The following ADAMTS17 variants were observed in gnomAD, a reference collection of about 807,000 sequenced individuals.
ADAMTS17 encodes the protein A disintegrin and metalloproteinase with thrombospondin motifs 17.
A neutral mutation model predicts 141.5 loss-of-function variants in ADAMTS17; 113 were observed. That is an observed-to-expected ratio of 0.80 (90% CI 0.69 to 0.93). The LOEUF (loss-of-function observed/expected upper bound fraction) is 0.93. Ranked by LOEUF, ADAMTS17 falls within the 40% of genes least tolerant of loss-of-function variation. The probability of loss-of-function intolerance (pLI) is 0.00; values close to 1 mark genes in which losing one functional copy is unlikely to be tolerated. For missense variants in ADAMTS17, 1,659 were observed against 1,517.9 expected, an observed-to-expected ratio of 1.09 and a Z score of -1.54; for synonymous variants, 768 against 630.6, an observed-to-expected ratio of 1.22 and a Z score of -3.27.
intron 8 of ADAMTS17, among the ~76,000 whole-genome samples, chr15:100,178,316 G>T (rs762981294): frequency 6.6e-6 from 1 of 152,102 alleles, no homozygotes; most frequent in Non-Finnish European, 1.5e-5. Context: ...ATATCACTCT[G>T]TATAGTTCTC....
chr15:100,089,500 A>T (rs2140985333), intron 15 of ADAMTS17, among the ~76,000 whole-genome samples: 1 of 151,398 alleles, frequency 6.6e-6, no homozygotes, highest in East Asian at 2.0e-4. Flanking sequence ...CCAAAGGATT[A>T]TAAATCATGC....
At chr15:100,165,276 G>T (rs1387290664) in intron 8 of ADAMTS17, among the ~76,000 whole-genome samples, 1 of 152,218 alleles carries the variant, frequency 6.6e-6, no homozygotes, top group Non-Finnish European at 1.5e-5. Context: ...TCAGAGCACA[G>T]CTGGACACAG....
intron 15 of ADAMTS17, among the ~76,000 whole-genome samples, chr15:100,064,690 G>C (rs966109680): frequency 2.0e-5 from 3 of 152,130 alleles, no homozygotes; most frequent in African/African-American, 7.2e-5. Flanking sequence ...CAGAGTAGGG[G>C]GCCAGGACGG....
Position 100,010,341 on chromosome 15 carries a change from G to A in ADAMTS17, c.2592-12752C>T, listed in dbSNP as rs896386085. On this transcript the variant is annotated intron_variant, in intron 18 of 21. Coordinates refer to ENST00000268070, the MANE Select transcript of ADAMTS17 (RefSeq NM_139057.4). ...GACTGAATGATAAGTAAATATATTG[G>A]GCATGGGGAAATCAGGAGGTGCCTG... 5.7e-4 allele frequency among the ~76,000 whole-genome samples: 87 copies of A among 152,204 alleles called. 1 individual carries two copies. The highest frequency in any genetic ancestry group is 2.0e-3 in the African/African-American group (83 of 41,454).
chr15:100,144,012 T>C (rs962048744), intron 10 of ADAMTS17, among the ~76,000 whole-genome samples: 3 of 152,256 alleles, frequency 2.0e-5, no homozygotes, highest in African/African-American at 7.2e-5. Flanking sequence ...AGGCACCTGA[T>C]GGAGCCTTCT....
chr15:100,020,999 A>G (rs912988966), intron 18 of ADAMTS17, among the ~76,000 whole-genome samples: 1 of 151,270 alleles, frequency 6.6e-6, no homozygotes, highest in Non-Finnish European at 1.5e-5. Flanking sequence ...TTCCTCCCCC[A>G]TTTTCTAAGC....
chr15:100,063,705 T>C, intron 15 of ADAMTS17: 3 of 1,289,910 alleles, frequency 2.3e-6, no homozygotes, highest in Non-Finnish European at 3.0e-6. Flanking sequence ...AGGTTTATCC[T>C]CCACCACACG....
At chr15:100,167,648 CA>C (rs1310005865) in intron 8 of ADAMTS17, among the ~76,000 whole-genome samples, 1 of 152,132 alleles carries the variant, frequency 6.6e-6, no homozygotes, top group East Asian at 1.9e-4. Context: ...GGATGGCATG[CA>C]GTGTAATTAA....
intron 15 of ADAMTS17, among the ~76,000 whole-genome samples, chr15:100,074,360 T>C (rs1460795946): frequency 1.3e-5 from 2 of 151,644 alleles, no homozygotes; most frequent in Admixed American, 6.6e-5. Flanking sequence ...TAACATCTCA[T>C]ATATAACATA....
At chr15:100,020,896 C>A (rs2061394945) in intron 18 of ADAMTS17, among the ~76,000 whole-genome samples, 1 of 152,190 alleles carries the variant, frequency 6.6e-6, no homozygotes, top group Admixed American at 6.5e-5. Flanking sequence ...AGCTTTGTCA[C>A]TGGCAGCCTC....
intron 13 of ADAMTS17, 144 bp from the exon 14 acceptor site, chr15:100,109,260 C>CCAGCTCTTCTAAACACGCGGCA: frequency 8.6e-7 from 1 of 1,165,202 alleles, no homozygotes; most frequent in Non-Finnish European, 1.2e-6. Context: ...GGTACGCGCT[C>CCAGCTCTTCTAAACACGCGGCA]CAGGAAGCGG....
intron 12 of ADAMTS17, among the ~76,000 whole-genome samples, chr15:100,130,517 C>G (rs964346604): frequency 6.6e-6 from 1 of 152,278 alleles, no homozygotes; most frequent in Admixed American, 6.5e-5. Context: ...CTGTCACTGA[C>G]CAGACTAGGA....
intron 3 of ADAMTS17, among the ~76,000 whole-genome samples, chr15:100,313,610 G>A (rs1337264877): frequency 2.0e-5 from 3 of 152,218 alleles, no homozygotes; most frequent in Non-Finnish European, 2.9e-5. Context: ...CCTTGGCCAA[G>A]TAACAGAAGT....
At chr15:100,094,060 G>A (rs1443829491) in intron 15 of ADAMTS17, among the ~76,000 whole-genome samples, 1 of 151,120 alleles carries the variant, frequency 6.6e-6, no homozygotes, top group African/African-American at 2.4e-5. Context: ...GTGGGCTCGT[G>A]GTCACAGACT....
intron 7 of ADAMTS17, among the ~76,000 whole-genome samples, chr15:100,211,273 G>T (rs2041800291): frequency 7.3e-6 from 1 of 136,182 alleles, no homozygotes; most frequent in Non-Finnish European, 1.6e-5. Context: ...TCCAGCCCGG[G>T]CAATAGAGCA....
chr15:100,050,967 T>C (rs2032090243), intron 17 of ADAMTS17, among the ~76,000 whole-genome samples: 1 of 152,238 alleles, frequency 6.6e-6, no homozygotes, highest in Non-Finnish European at 1.5e-5. Flanking sequence ...ATTCTTGCTG[T>C]ACGACAGGCT....
chr15:100,216,183 GATTAA>G (rs2041963233), intron 7 of ADAMTS17, among the ~76,000 whole-genome samples: 1 of 152,186 alleles, frequency 6.6e-6, no homozygotes, highest in Admixed American at 6.5e-5. Flanking sequence ...TGGAATTGAG[GATTAA>G]ATGAATAATG....
rs137929250 is a variant in ADAMTS17, at chr15:100,122,931, C to G, written c.1722-5918G>C. Among the ~76,000 whole-genome samples, 894 of 152,266 alleles carry G rather than the reference C, an allele frequency of 5.9e-3. 16 individuals are homozygous for G. Among genetic ancestry groups the G allele is most frequent in the African/African-American group, 0.02 (838 of 41,548 alleles). On this transcript the variant is annotated intron_variant, in intron 12 of 21. Coordinates refer to ENST00000268070, the MANE Select transcript of ADAMTS17 (RefSeq NM_139057.4). ...CATGTTGTTCAAGAGTCAACTGTAC[C>G]TTGGTCCTGAGACAACAGAAAGAGG... is the stretch of plus-strand genomic sequence containing the variant.
At chr15:99,980,212 T>G (rs1476917446) in intron 20 of ADAMTS17, 4 of 152,166 alleles carry the variant, frequency 2.6e-5, no homozygotes, top group Non-Finnish European at 4.4e-5. Context: ...TCCCAGCTAC[T>G]TGGGAGGCTG....
Sources: gnomAD v4.1 joint callset for allele counts (sites outside exome capture counted in the v4.1 genomes callset) on GRCh38, gnomAD v4.1.1 for gene constraint, MANE v1.5 for transcripts, NCBI Gene and HGNC (gene_info 2026-07-23, HGNC 2026-07-21) for gene names.